Variants in ANGPTL4 observed in about 807,000 individuals in gnomAD.
ANGPTL4 encodes the protein angiopoietin like 4, also known as angiopoietin-related protein 4.
ANGPTL4 carries 39 observed loss-of-function variants against 39.2 expected under a neutral mutation model. The observed-to-expected ratio is 1.00, with a 90% CI of 0.77 to 1.30. The LOEUF is 1.30. ANGPTL4 is among the 50% of genes most tolerant of loss of function. The pLI is 0.00. For missense variants in ANGPTL4, 545 were observed against 549.8 expected, an observed-to-expected ratio of 0.99 and a Z score of 0.09; for synonymous variants, 233 against 229.5, an observed-to-expected ratio of 1.02 and a Z score of -0.14.
In ANGPTL4 at chr19:8,371,125, A is replaced by G. The variant is rs1971107608; in HGVS notation, c.731A>G (p.Tyr244Cys). 2 of 1,612,902 alleles carry G rather than the reference A, an allele frequency of 1.2e-6. No individual in the cohort carries two copies. Among genetic ancestry groups the G allele is most frequent in the East Asian group, 2.2e-5 (1 of 44,870 alleles). Reference protein sequence around the residue: ...SVDFNRPWEAYKAGFGDPHGE... With the variant: ...SVDFNRPWEACKAGFGDPHGE... ...GACTTCAACCGGCCCTGGGAAGCCTACAAGGCGGGGTTTGGGGATCCCCAC... is the reference window on the plus strand; with the variant it reads ...GACTTCAACCGGCCCTGGGAAGCCTGCAAGGCGGGGTTTGGGGATCCCCAC... Residue 244 changes from tyrosine to cysteine, a missense_variant, in exon 5 of 7, where the codon TAC becomes TGC. Physicochemically the swap from Tyr to Cys is radical, Grantham distance 194. Transcript: ENST00000301455. The surrounding 1 kb of genome is among the most constrained non-coding windows in gnomAD (Gnocchi z 5.1).
intron 4 of ANGPTL4, among the ~76,000 whole-genome samples, chr19:8,370,697 C>A (rs1971096833): frequency 7.6e-6 from 1 of 132,288 alleles, no homozygotes; most frequent in Non-Finnish European, 1.6e-5. Flanking sequence ...GAGACTCCAT[C>A]TCTAAAAAAA....
At chr19:8,364,852 C>T (rs931640213) in intron 1 of ANGPTL4, among the ~76,000 whole-genome samples, 6 of 145,750 alleles carry the variant, frequency 4.1e-5, no homozygotes, top group Non-Finnish European at 9.2e-5. Context: ...AGCGAGACCC[C>T]CGTCTCTTCT....
At position 8,366,080 on chromosome 19, in the gene ANGPTL4, A is replaced by T; in HGVS notation, c.429+16A>T. The T allele has an allele frequency of 6.2e-7, 1 of 1,613,100 alleles. No individual in the cohort carries two copies. Among genetic ancestry groups the T allele is most frequent in the Non-Finnish European group, 8.5e-7 (1 of 1,179,108 alleles). ...GCAAAGCCAGGTAACCCTAGGATCA[A>T]GGGAGAAAAGGTCCCTCTGATAGCT... On this transcript the variant is annotated intron_variant, in intron 2 of 6. Coordinates refer to ENST00000301455, the MANE Select transcript of ANGPTL4 (RefSeq NM_139314.3).
chr19:8,371,490 G>A lies in ANGPTL4; in HGVS notation c.1007G>A (p.Arg336His), dbSNP rs750402576. The change falls in exon 6 of 7, where the codon CGC becomes CAC. Residue 336 changes from arginine to histidine, a missense_variant. Coordinates refer to ENST00000301455, the MANE Select transcript of ANGPTL4 (RefSeq NM_139314.3). The surrounding 1 kb of genome is among the most constrained non-coding windows in gnomAD (Gnocchi z 5.1). ...ACTTGGGACCAGGATCACGACCTCC[G>A]CAGGGACAAGAACTGCGCCAAGAGC... The part of the protein sequence containing the change: ...FSTWDQDHDL[R>H]RDKNCAKSLS... 9.9e-6 allele frequency: 16 copies of A among 1,612,952 alleles called. No homozygotes were observed. The highest frequency in any genetic ancestry group is 5.0e-5 in the Admixed American group (3 of 59,984).
Position 8,371,273 on chromosome 19 carries a change from A to G in ANGPTL4, c.790A>G (p.Ser264Gly). 6.2e-7 allele frequency: 1 copy of G among 1,613,990 alleles called. No homozygotes were observed. Among genetic ancestry groups the G allele is most frequent in the South Asian group, 1.1e-5 (1 of 91,080 alleles). ...CTGGCTGGGTCTGGAGAAGGTGCAT[A>G]GCATCACGGGGGACCGCAACAGCCG... The part of the protein sequence containing the change: ...EFWLGLEKVH[S>G]ITGDRNSRLA... The change falls in exon 6 of 7, where the codon AGC (serine) becomes GGC (glycine). Residue 264 changes from serine to glycine, a missense_variant. Coordinates refer to ENST00000301455, the MANE Select transcript of ANGPTL4 (RefSeq NM_139314.3). This position sits in a 1 kb window ranked among gnomAD's most constrained non-coding sequence, Gnocchi z 5.1.
chr19:8,373,930 T>C lies in ANGPTL4; in HGVS notation c.*44T>C, dbSNP rs1441841329. ...TCCCAGGCCCACGAAAGACGGTGACTCTTGGCTCTGCCCGAGGATGTGGCC... is the reference window on the plus strand; with the variant it reads ...TCCCAGGCCCACGAAAGACGGTGACCCTTGGCTCTGCCCGAGGATGTGGCC... On this transcript the variant is annotated 3_prime_UTR_variant, in exon 7 of 7. Coordinates refer to ENST00000301455, the MANE Select transcript of ANGPTL4 (RefSeq NM_139314.3). 2.5e-6 allele frequency: 4 copies of C among 1,601,514 alleles called. No individual in the cohort carries two copies. In the African/African-American group the frequency reaches 5.4e-5, roughly 21 times the overall value.
chr19:8,370,943 G>T, intron 4 of ANGPTL4, 113 bp from the exon 5 acceptor site: 1 of 1,143,286 alleles, frequency 8.7e-7, no homozygotes, highest in South Asian at 1.3e-5. Flanking sequence ...GGATGAGTGA[G>T]GGAGCTGCTG....
At chr19:8,365,823 A>C in intron 1 of ANGPTL4, 131 bp from the exon 2 acceptor site, 1 of 761,710 alleles carries the variant, frequency 1.3e-6, no homozygotes, top group African/African-American at 1.7e-5. Context: ...GTCATTGGGA[A>C]AAAAAAGAAA....
At position 8,374,010 on chromosome 19, in the gene ANGPTL4, GAGA is replaced by G; in HGVS notation, c.*131_*133del. The G allele has an allele frequency of 3.6e-6, 4 of 1,116,212 alleles. No individual in the cohort carries two copies. The highest frequency in any genetic ancestry group is 5.3e-6 in the Non-Finnish European group (4 of 759,328). The allele number at this position is 1,116,212 out of a possible 1,614,324, so 69.1% of individuals were successfully genotyped here. ...GGGGCCATCTGGAAACTTGTGGACA[GAGA>G]AGAAGACCACGACTGGAGAAGCCCC... On this transcript the variant is annotated 3_prime_UTR_variant, in exon 7 of 7. Transcript: ENST00000301455.
chr19:8,370,872 A>G (rs1971101691), intron 4 of ANGPTL4, among the ~76,000 whole-genome samples, 184 bp from the exon 5 acceptor site: 1 of 151,988 alleles, frequency 6.6e-6, no homozygotes, highest in South Asian at 2.1e-4. Context: ...TGGGACAAAG[A>G]TCTTCCCAAG....
At chr19:8,368,995 A>T (rs901568551) in intron 3 of ANGPTL4, among the ~76,000 whole-genome samples, 4 of 152,172 alleles carry the variant, frequency 2.6e-5, no homozygotes, top group African/African-American at 9.6e-5. Flanking sequence ...CAGGAGGAGG[A>T]TGGGCACGGG....
Position 8,366,026 on chromosome 19 carries a change from G to A in ANGPTL4, c.391G>A (p.Glu131Lys). 1 of 1,614,122 alleles carries A rather than the reference G, an allele frequency of 6.2e-7. No individual in the cohort carries two copies. Among genetic ancestry groups the A allele is most frequent in the Non-Finnish European group, 8.5e-7 (1 of 1,180,028 alleles). The stretch of plus-strand genomic sequence containing the variant: ...GGTGGCCCAGCAGCAGCGGCACCTG[G>A]AGAAGCAGCACCTGCGAATTCAGCA... The part of the protein sequence containing the change: ...HKVAQQQRHL[E>K]KQHLRIQHLQ... Residue 131 changes from glutamate to lysine, a missense_variant, in exon 2 of 7, where the codon GAG (glutamate) becomes AAG (lysine). Physicochemically the swap from Glu to Lys is moderately conservative, Grantham distance 56 (BLOSUM62 1). Transcript: ENST00000301455.
chr19:8,373,655 A>G (rs759186510), intron 6 of ANGPTL4, 50 bp from the exon 7 acceptor site: 9 of 1,612,282 alleles, frequency 5.6e-6, no homozygotes, highest in Non-Finnish European at 7.6e-6. Context: ...TTTCAGCCCC[A>G]TCGGTGGCTC....
intron 3 of ANGPTL4, among the ~76,000 whole-genome samples, chr19:8,367,439 C>G (rs1198544804): frequency 6.6e-6 from 1 of 152,162 alleles, no homozygotes; most frequent in Non-Finnish European, 1.5e-5. Flanking sequence ...AGCTGGCATT[C>G]ATGGAAGCCA....
rs1322600562 is a variant in ANGPTL4, at chr19:8,371,045, T to C, written c.662-11T>C. 1.3e-6 allele frequency: 2 copies of C among 1,579,430 alleles called. No homozygotes were observed. Among genetic ancestry groups the C allele is most frequent in the East Asian group, 2.3e-5 (1 of 43,290 alleles). On this transcript the variant is annotated splice_polypyrimidine_tract_variant and intron_variant, in intron 4 of 6. Coordinates refer to ENST00000301455, the MANE Select transcript of ANGPTL4 (RefSeq NM_139314.3). The surrounding 1 kb of genome is among the most constrained non-coding windows in gnomAD (Gnocchi z 5.1). ...AGGGACTTCCTGGTGACCTTGTACC[T>C]TTCTGGGCAGATGGAGGCTGGACAG...
At chr19:8,372,875 T>TGG (rs1169909491) in intron 6 of ANGPTL4, among the ~76,000 whole-genome samples, 20 of 152,140 alleles carry the variant, frequency 1.3e-4, no homozygotes. Context: ...AAGAATCACT[T>TGG]GAGCCCGTAA....
Position 8,371,010 on chromosome 19 carries a change from G to A in ANGPTL4, c.662-46G>A, listed in dbSNP as rs73925323. On this transcript the variant is annotated intron_variant, in intron 4 of 6. Coordinates refer to ENST00000301455, the MANE Select transcript of ANGPTL4 (RefSeq NM_139314.3). The surrounding 1 kb of genome is among the most constrained non-coding windows in gnomAD (Gnocchi z 5.1). ...GGCAGCCAGATGAGGGAGTGGGGTCGTCTGTGAAGAGGGACTTCCTGGTGA... is the reference window on the plus strand; with the variant it reads ...GGCAGCCAGATGAGGGAGTGGGGTCATCTGTGAAGAGGGACTTCCTGGTGA... 7.3e-4 allele frequency: 1,139 copies of A among 1,551,954 alleles called. 4 individuals carry two copies. The African/African-American group carries it at 0.013, about 17-fold the overall frequency.
chr19:8,367,556 G>A (rs1225740023), intron 3 of ANGPTL4, among the ~76,000 whole-genome samples: 3 of 152,138 alleles, frequency 2.0e-5, no homozygotes, highest in African/African-American at 7.2e-5. Flanking sequence ...CTCTGGGCCC[G>A]CCCCCACCCC....
chr19:8,366,986 C>T (rs1204154308), intron 3 of ANGPTL4, among the ~76,000 whole-genome samples: 4 of 151,702 alleles, frequency 2.6e-5, no homozygotes, highest in African/African-American at 7.3e-5. Flanking sequence ...AGCATGTCCA[C>T]GTGTGTCCGA....
Sources: allele counts gnomAD v4.1 joint callset (sites outside exome capture counted in the v4.1 genomes callset), GRCh38; gene constraint gnomAD v4.1.1; non-coding constraint Gnocchi (gnomAD v3.1); transcripts MANE v1.5; gene names NCBI Gene and HGNC (gene_info 2026-07-23, HGNC 2026-07-21).